The following NELL2 variants were observed in gnomAD, a reference collection of about 807,000 sequenced individuals.
NELL2 encodes the protein protein kinase C-binding protein NELL2.
NELL2 carries 41 observed loss-of-function variants against 109.6 expected under a neutral mutation model. That is an observed-to-expected ratio of 0.37 (90% CI 0.29 to 0.49). The LOEUF (loss-of-function observed/expected upper bound fraction) is 0.49. Ranked by LOEUF, NELL2 falls within the 20% of genes least tolerant of loss-of-function variation. The pLI is 0.98. For synonymous variants in NELL2, 355 were observed against 344.7 expected, an observed-to-expected ratio of 1.03 and a Z score of -0.33; for missense variants, 900 against 1,008.3, an observed-to-expected ratio of 0.89 and a Z score of 1.45.
chr12:44,792,157 G>T lies in NELL2; in HGVS notation c.336-12135C>A, dbSNP rs149121564. On this transcript the variant is annotated intron_variant, in intron 3 of 19. Coordinates refer to ENST00000429094, the MANE Select transcript of NELL2 (RefSeq NM_001145108.2). ...GATGAAGAATTAATCTCTGGATTTA[G>T]CAAAATTCAGAGATTATGCTATTTC... Among the ~76,000 whole-genome samples the T allele has an allele frequency of 2.6e-5, 4 of 152,266 alleles. No homozygotes were observed. In the East Asian group the frequency reaches 7.7e-4, roughly 29 times the overall value.
chr12:44,781,838 C>T (rs186452233), intron 3 of NELL2, among the ~76,000 whole-genome samples: 183 of 151,944 alleles, frequency 1.2e-3, no homozygotes, highest in Non-Finnish European at 1.6e-3. Flanking sequence ...TCAAGACATT[C>T]TCAGATAAAG....
At chr12:44,619,966 C>G (rs748999649) in intron 13 of NELL2, among the ~76,000 whole-genome samples, 4 of 152,016 alleles carry the variant, frequency 2.6e-5, no homozygotes, top group Non-Finnish European at 1.5e-5. Flanking sequence ...CAATTTTGGG[C>G]TCCATAGTGA....
chr12:44,772,978 G>A (rs1592503411), intron 9 of NELL2, among the ~76,000 whole-genome samples: 1 of 152,240 alleles, frequency 6.6e-6, no homozygotes, highest in East Asian at 1.9e-4. Context: ...AAGAATTCAA[G>A]CATTAGTCCG....
intron 15 of NELL2, among the ~76,000 whole-genome samples, chr12:44,564,774 G>T (rs1192868579): frequency 6.6e-6 from 1 of 152,158 alleles, no homozygotes; most frequent in African/African-American, 2.4e-5. Context: ...TATATTTTCA[G>T]ATTATGGTCT....
At chr12:44,807,400 AT>A (rs571932117) in intron 3 of NELL2, among the ~76,000 whole-genome samples, 74 of 151,838 alleles carry the variant, frequency 4.9e-4, no homozygotes, top group African/African-American at 1.6e-3. Context: ...TCAAAAAAAA[AT>A]ATCCGTTCAT....
intron 5 of NELL2, 121 bp from the exon 6 acceptor site, chr12:44,777,435 G>C: frequency 1.3e-6 from 1 of 757,672 alleles, no homozygotes; most frequent in Non-Finnish European, 2.2e-6. Flanking sequence ...TGAGTAAAAA[G>C]TCTTTGTTAA....
rs538689639 is a variant in NELL2, at chr12:44,587,890, A to G, written c.1663+19279T>C. ...GTTTCGGTTGGGCGCAGTGGCTCAC[A>G]CCTGTAATCCCAGCACTTTGGGAGG... On this transcript the variant is annotated intron_variant, in intron 15 of 19. Transcript: ENST00000429094. Among the ~76,000 whole-genome samples, 298 of 152,194 alleles carry G rather than the reference A, an allele frequency of 2.0e-3. 1 individual carries two copies. Among genetic ancestry groups the G allele is most frequent in the Middle Eastern group, 3.4e-3 (1 of 294 alleles).
intron 3 of NELL2, among the ~76,000 whole-genome samples, chr12:44,808,091 G>A (rs903152104): frequency 1.2e-4 from 18 of 152,056 alleles, no homozygotes; most frequent in African/African-American, 4.1e-4. Flanking sequence ...TACCCAAAAT[G>A]TGTAATGAAA....
At chr12:44,677,832 T>C (rs1948368201) in intron 12 of NELL2, among the ~76,000 whole-genome samples, 1 of 152,070 alleles carries the variant, frequency 6.6e-6, no homozygotes, top group Non-Finnish European at 1.5e-5. Flanking sequence ...GGGTCCATAG[T>C]GTAGGGAACT....
At chr12:44,687,293 G>T (rs571453099) in intron 12 of NELL2, among the ~76,000 whole-genome samples, 1 of 152,136 alleles carries the variant, frequency 6.6e-6, no homozygotes, top group Non-Finnish European at 1.5e-5. Flanking sequence ...CCACTGACCT[G>T]CGCCCACTGT....
chr12:44,535,959 T>C (rs996206606), intron 15 of NELL2, among the ~76,000 whole-genome samples: 3 of 151,984 alleles, frequency 2.0e-5, no homozygotes, highest in African/African-American at 7.2e-5. Context: ...CAAGATTATA[T>C]ACTTGCTATC....
intron 2 of NELL2, among the ~76,000 whole-genome samples, chr12:44,857,904 A>T (rs1483888655): frequency 6.6e-6 from 1 of 152,146 alleles, no homozygotes; most frequent in Non-Finnish European, 1.5e-5. Flanking sequence ...AAGATGCTTT[A>T]GGGGCAGTTT....
At chr12:44,697,106 T>C (rs990026837) in intron 12 of NELL2, among the ~76,000 whole-genome samples, 1 of 152,330 alleles carries the variant, frequency 6.6e-6, no homozygotes, top group Non-Finnish European at 1.5e-5. Flanking sequence ...TCTTTCAGCA[T>C]ATTTCTGGTC....
chr12:44,905,529 A>G (rs1352073267), intron 1 of NELL2, among the ~76,000 whole-genome samples: 1 of 152,134 alleles, frequency 6.6e-6, no homozygotes, highest in African/African-American at 2.4e-5. Flanking sequence ...ATAAGATCAC[A>G]ATGATCCAGC....
chr12:44,597,317 A>T (rs1945005673), intron 15 of NELL2, among the ~76,000 whole-genome samples: 1 of 152,144 alleles, frequency 6.6e-6, no homozygotes, highest in Non-Finnish European at 1.5e-5. Context: ...CTACCCTCTT[A>T]TATCTGCCAG....
chr12:44,548,222 A>G (rs1942881996), intron 15 of NELL2, among the ~76,000 whole-genome samples: 2 of 152,214 alleles, frequency 1.3e-5, no homozygotes, highest in African/African-American at 4.8e-5. Context: ...TGCAATCAAA[A>G]GGGCATTAAT....
At chr12:44,786,990 T>C (rs1009454126) in intron 3 of NELL2, among the ~76,000 whole-genome samples, 2 of 152,086 alleles carry the variant, frequency 1.3e-5, no homozygotes, top group Admixed American at 1.3e-4. Flanking sequence ...CATGTATACC[T>C]ATGTAACAAA....
intron 13 of NELL2, among the ~76,000 whole-genome samples, chr12:44,655,952 C>A (rs1310823736): frequency 6.6e-6 from 1 of 152,110 alleles, no homozygotes; most frequent in African/African-American, 2.4e-5. Context: ...GTTTGCAATG[C>A]TGATTTCAGG....
intron 12 of NELL2, among the ~76,000 whole-genome samples, chr12:44,674,331 A>G (rs1948237622): frequency 6.6e-6 from 1 of 152,130 alleles, no homozygotes; most frequent in South Asian, 2.1e-4. Flanking sequence ...ACCCACACAC[A>G]TACACACACA....
Sources: gnomAD v4.1 joint callset for allele counts (sites outside exome capture counted in the v4.1 genomes callset) on GRCh38, gnomAD v4.1.1 for gene constraint, MANE v1.5 for transcripts, NCBI Gene and HGNC (gene_info 2026-07-23, HGNC 2026-07-21) for gene names.